NRXN3: variants seen among roughly 807,000 people sequenced by gnomAD.
NRXN3 encodes the protein neurexin III.
NRXN3 carries 32 observed loss-of-function variants against 137.6 expected under a neutral mutation model. The observed-to-expected ratio is 0.23, with a 90% CI of 0.18 to 0.31. The LOEUF is 0.31. Ranked by LOEUF, NRXN3 falls within the 10% of genes least tolerant of loss-of-function variation. The pLI is 1.00. For synonymous variants in NRXN3, 798 were observed against 784.5 expected (o/e 1.02, Z -0.29); for missense variants, 1,574 against 2,062.5 (o/e 0.76, Z 4.59).
chr14:78,633,132 G>A (rs2097536336), intron 4 of NRXN3, among the ~76,000 whole-genome samples: 2 of 151,374 alleles, frequency 1.3e-5, no homozygotes, highest in South Asian at 4.2e-4. Flanking sequence ...GCGGGTGCCT[G>A]TAGTCCTAGC....
intron 16 of NRXN3, among the ~76,000 whole-genome samples, chr14:79,630,709 A>T (rs1015330368): frequency 6.6e-6 from 1 of 152,160 alleles, no homozygotes; most frequent in Non-Finnish European, 1.5e-5. Flanking sequence ...ACTGATTCTC[A>T]TCTAAACCCC....
intron 15 of NRXN3, among the ~76,000 whole-genome samples, chr14:79,242,008 A>G (rs1221535368): frequency 6.6e-6 from 1 of 152,086 alleles, no homozygotes; most frequent in Non-Finnish European, 1.5e-5. Flanking sequence ...CAGAGGTTGC[A>G]GTGAGCAGAG....
intron 10 of NRXN3, among the ~76,000 whole-genome samples, chr14:78,885,238 C>T (rs2099140298): frequency 6.7e-6 from 1 of 149,708 alleles, no homozygotes; most frequent in African/African-American, 2.4e-5. Context: ...GTAAAAAGTA[C>T]ATAGCCATGT....
intron 16 of NRXN3, among the ~76,000 whole-genome samples, chr14:79,622,020 T>G (rs1406767717): frequency 6.6e-6 from 1 of 152,198 alleles, no homozygotes; most frequent in Non-Finnish European, 1.5e-5. Context: ...AGGCACTGTA[T>G]GCAGATTGAG....
At chr14:79,623,468 G>A (rs935950287) in intron 16 of NRXN3, among the ~76,000 whole-genome samples, 2 of 152,170 alleles carry the variant, frequency 1.3e-5, no homozygotes, top group African/African-American at 4.8e-5. Context: ...AAAAAGATAA[G>A]TTGGTACAGG....
intron 8 of NRXN3, among the ~76,000 whole-genome samples, chr14:78,760,034 CTTTTTTTTTTT>C (rs61320632): frequency 2.2e-4 from 19 of 86,732 alleles, no homozygotes; most frequent in African/African-American, 6.5e-4. Flanking sequence ...AGCCTGCAGT[CTTTTTTTTTTT>C]TTTTTTTTTT....
intron 20 of NRXN3, among the ~76,000 whole-genome samples, chr14:79,811,630 G>T (rs1424281338): frequency 3.0e-5 from 4 of 133,526 alleles, no homozygotes; most frequent in African/African-American, 1.1e-4. Flanking sequence ...CGCCCAGGCT[G>T]GAGTGCAATG....
intron 4 of NRXN3, among the ~76,000 whole-genome samples, chr14:78,630,171 G>A (rs1682966607): frequency 6.6e-6 from 1 of 152,120 alleles, no homozygotes; most frequent in Admixed American, 6.6e-5. Flanking sequence ...GAAGCACCTG[G>A]TGGACCTCTT....
intron 16 of NRXN3, among the ~76,000 whole-genome samples, chr14:79,494,145 T>C (rs1034218406): frequency 6.6e-6 from 1 of 152,224 alleles, no homozygotes; most frequent in Non-Finnish European, 1.5e-5. Context: ...GAAATTTGAC[T>C]ATATTTGAGC....
intron 15 of NRXN3, among the ~76,000 whole-genome samples, chr14:79,083,695 TA>T (rs1397759549): frequency 6.6e-6 from 1 of 152,188 alleles, no homozygotes; most frequent in Non-Finnish European, 1.5e-5. Flanking sequence ...AAGATCCCAG[TA>T]GAGTATTTTG....
chr14:78,661,463 C>T (rs1457290157), intron 6 of NRXN3, among the ~76,000 whole-genome samples: 2 of 152,050 alleles, frequency 1.3e-5, no homozygotes, highest in East Asian at 3.9e-4. Context: ...TTTTTTTGGC[C>T]TATATGAAAG....
chr14:78,861,355 C>A (rs1188604542), intron 10 of NRXN3, among the ~76,000 whole-genome samples: 3 of 152,230 alleles, frequency 2.0e-5, no homozygotes, highest in Non-Finnish European at 2.9e-5. Context: ...TAAACATTGA[C>A]AAACATTTAA....
At chr14:79,241,966 C>G (rs2074375534) in intron 15 of NRXN3, among the ~76,000 whole-genome samples, 1 of 151,898 alleles carries the variant, frequency 6.6e-6, no homozygotes, top group African/African-American at 2.4e-5. Context: ...ATTCGGGAGG[C>G]TGAGGCAGGA....
At chr14:79,676,089 C>G (rs2098639299) in intron 17 of NRXN3, among the ~76,000 whole-genome samples, 2 of 152,000 alleles carry the variant, frequency 1.3e-5, no homozygotes, top group Admixed American at 1.3e-4. Flanking sequence ...ATTATCTCAG[C>G]ATTGGTTGTC....
chr14:78,396,696 C>G (rs1346226511), intron 4 of NRXN3, among the ~76,000 whole-genome samples: 1 of 152,128 alleles, frequency 6.6e-6, no homozygotes, highest in African/African-American at 2.4e-5. Flanking sequence ...TGCTATCATT[C>G]AAATTATTTT....
chr14:79,829,061 T>A (rs1278579774), intron 20 of NRXN3, among the ~76,000 whole-genome samples: 1 of 152,174 alleles, frequency 6.6e-6, no homozygotes, highest in Non-Finnish European at 1.5e-5. Flanking sequence ...ATCAATTAAC[T>A]TGTTCAATAT....
intron 15 of NRXN3, among the ~76,000 whole-genome samples, chr14:79,042,992 G>T (rs748116876): frequency 6.6e-6 from 1 of 151,748 alleles, no homozygotes; most frequent in East Asian, 1.9e-4. Context: ...GCCCAATAAA[G>T]CTTCAGAACA....
At chr14:79,727,634 T>G (rs1358615455) in intron 19 of NRXN3, among the ~76,000 whole-genome samples, 1 of 152,190 alleles carries the variant, frequency 6.6e-6, no homozygotes, top group Non-Finnish European at 1.5e-5. Flanking sequence ...GCCTAAACTT[T>G]GAGGCAAAGA....
chr14:78,464,492 C>A lies in NRXN3; in HGVS notation c.757+166632C>A, dbSNP rs1385405810. Among the ~76,000 whole-genome samples the A allele has an allele frequency of 6.6e-5, 10 of 152,266 alleles. No homozygotes were observed. In the East Asian group the frequency reaches 1.9e-3, roughly 29 times the overall value. ...AATTCAGAAGTCATTACTGTATACC[C>A]ATTGAAGGGATTAGATTCTCTGAAG... On this transcript the variant is annotated intron_variant, in intron 4 of 20. Coordinates refer to ENST00000335750, the MANE Select transcript of NRXN3 (RefSeq NM_001330195.2).
Sources: allele counts gnomAD v4.1 joint callset (sites outside exome capture counted in the v4.1 genomes callset), GRCh38; gene constraint gnomAD v4.1.1; transcripts MANE v1.5; gene names NCBI Gene and HGNC (gene_info 2026-07-23, HGNC 2026-07-21).